GPSM2: variants seen among roughly 807,000 people sequenced by gnomAD.
GPSM2 encodes the protein G protein-signaling modulator 2.
GPSM2 carries 58 observed loss-of-function variants against 78.4 expected under a neutral mutation model. That is an observed-to-expected ratio of 0.74 (90% confidence interval 0.60 to 0.92). The LOEUF (loss-of-function observed/expected upper bound fraction) is 0.92, where lower values mean the gene tolerates loss of function less well. GPSM2 is among the 40% of genes least tolerant of loss of function. The probability of loss-of-function intolerance (pLI) is 0.00; values close to 1 mark genes in which losing one functional copy is unlikely to be tolerated. For missense variants in GPSM2, 700 were observed against 815.5 expected (o/e 0.86, Z 1.73); for synonymous variants, 224 against 280.2 (o/e 0.80, Z 2.00).
At chr1:108,881,878 T>C (rs1364061859) in intron 1 of GPSM2, among the ~76,000 whole-genome samples, 3 of 152,250 alleles carry the variant, frequency 2.0e-5, no homozygotes, top group Non-Finnish European at 2.9e-5. Context: ...GTTTACATCT[T>C]AAGGAGTATG....
chr1:108,924,522 T>G (rs1017636623), intron 14 of GPSM2, among the ~76,000 whole-genome samples: 1 of 152,004 alleles, frequency 6.6e-6, no homozygotes, highest in African/African-American at 2.4e-5. Context: ...TAAAGGAGGA[T>G]AAAGGGGTAG....
chr1:108,913,679 A>T (rs955960822), intron 10 of GPSM2, among the ~76,000 whole-genome samples: 1 of 152,238 alleles, frequency 6.6e-6, no homozygotes, highest in Admixed American at 6.5e-5. Context: ...GGGGAGTTAT[A>T]CAAGGGGAGT....
Position 108,903,079 on chromosome 1 carries a change from G to T in GPSM2, c.954-47G>T, listed in dbSNP as rs757098467. On this transcript the variant is annotated intron_variant, in intron 8 of 14. Coordinates refer to ENST00000264126, the MANE Select transcript of GPSM2 (RefSeq NM_013296.5). ...CTAGATAGCTTTTATTCTATACATA[G>T]GACCTCTTTTCAAATAACTGCATGT... 5 of 1,094,908 alleles carry T rather than the reference G, an allele frequency of 4.6e-6. No individual in the cohort carries two copies. In the South Asian group the frequency reaches 6.2e-5, roughly 14 times the overall value. 67.8% of individuals were successfully genotyped at this position (1,094,908 alleles called of 1,614,324 possible).
chr1:108,899,050 C>A, intron 7 of GPSM2, 56 bp downstream of exon 7: 1 of 1,050,494 alleles, frequency 9.5e-7, no homozygotes, highest in Non-Finnish European at 1.5e-6. Context: ...CCCATTAATT[C>A]ATAGGCTTTA....
intron 13 of GPSM2, 26 bp downstream of exon 13, chr1:108,922,602 AT>A: frequency 1.3e-6 from 2 of 1,557,816 alleles, no homozygotes; most frequent in Non-Finnish European, 1.8e-6. Context: ...TTCTCCCCCG[AT>A]TTTAATAGTT....
intron 13 of GPSM2, among the ~76,000 whole-genome samples, chr1:108,923,531 A>G (rs1023200209): frequency 6.6e-6 from 1 of 152,198 alleles, no homozygotes; most frequent in African/African-American, 2.4e-5. Flanking sequence ...ATATTTTTCT[A>G]TTTCAGCTAC....
At chr1:108,917,667 A>ATATATATATATATATAT (rs1179153795) in intron 11 of GPSM2, among the ~76,000 whole-genome samples, 4 of 49,300 alleles carry the variant, frequency 8.1e-5, no homozygotes, top group Non-Finnish European at 1.7e-4. Flanking sequence ...TATATATATA[A>ATATATATATATATATAT]ATGAGTTCTC....
rs750908300 is a variant in GPSM2, at chr1:108,904,181, G to A, written c.1119G>A (p.Met373Ile). ...GACTTAATCTCTCAGACCTTCAAATGGTTCTTGGTCTGAGCTACAGCACAA... is the reference window on the plus strand; with the variant it reads ...GACTTAATCTCTCAGACCTTCAAATAGTTCTTGGTCTGAGCTACAGCACAA... ...TARLNLSDLQ[M>I]VLGLSYSTNN... The change falls in exon 10 of 15, where the codon ATG becomes ATA. Residue 373 changes from methionine to isoleucine, a missense_variant. By Grantham distance (10) the Met-to-Ile change is conservative (BLOSUM62 1). Coordinates refer to ENST00000264126, the MANE Select transcript of GPSM2 (RefSeq NM_013296.5). The A allele has an allele frequency of 1.9e-6, 3 of 1,593,176 alleles. No individual in the cohort carries two copies. Among genetic ancestry groups the A allele is most frequent in the Admixed American group, 3.3e-5 (2 of 59,944 alleles).
At chr1:108,887,043 C>T (rs559092843) in intron 2 of GPSM2, among the ~76,000 whole-genome samples, 3 of 152,090 alleles carry the variant, frequency 2.0e-5, no homozygotes, top group Admixed American at 6.5e-5. Context: ...TGTGTCACCA[C>T]GCCCAGCTAA....
chr1:108,898,607 A>G (rs753966257), intron 5 of GPSM2, 35 bp from the exon 6 acceptor site: 2 of 1,609,476 alleles, frequency 1.2e-6, no homozygotes, highest in Non-Finnish European at 1.7e-6. Flanking sequence ...TTGTTCTGCA[A>G]ACTTATTTTT....
chr1:108,928,920 T>C (rs1481911140), intron 14 of GPSM2, among the ~76,000 whole-genome samples: 1 of 147,344 alleles, frequency 6.8e-6, no homozygotes, highest in Non-Finnish European at 1.5e-5. Context: ...ACCTGAAAGA[T>C]GGAGGTTGCA....
intron 10 of GPSM2, among the ~76,000 whole-genome samples, chr1:108,910,890 A>C (rs1210374310): frequency 2.0e-5 from 3 of 152,148 alleles, no homozygotes; most frequent in African/African-American, 7.2e-5. Flanking sequence ...AAGTGGATTC[A>C]ACATTAGAAA....
chr1:108,884,906 T>C (rs1647410058), intron 1 of GPSM2, among the ~76,000 whole-genome samples: 1 of 152,214 alleles, frequency 6.6e-6, no homozygotes, highest in African/African-American at 2.4e-5. Flanking sequence ...GAGTTTGGAG[T>C]TGACTATTTC....
intron 2 of GPSM2, among the ~76,000 whole-genome samples, chr1:108,894,625 GA>G (rs1235833799): frequency 6.6e-6 from 1 of 152,146 alleles, no homozygotes; most frequent in African/African-American, 2.4e-5. Context: ...TTGAACCCAG[GA>G]GGCAGAGGTT....
chr1:108,890,993 G>T (rs55864873), intron 2 of GPSM2, among the ~76,000 whole-genome samples: 5,246 of 152,176 alleles, frequency 0.034, 103 homozygotes, highest in Middle Eastern at 0.075. Flanking sequence ...ACATACTAAG[G>T]TATTTACAAA....
chr1:108,881,060 T>A (rs1211814576), intron 1 of GPSM2, among the ~76,000 whole-genome samples: 1 of 152,244 alleles, frequency 6.6e-6, no homozygotes, highest in East Asian at 1.9e-4. Context: ...CCTAGCTGTC[T>A]AAAGGGAGTC....
intron 1 of GPSM2, among the ~76,000 whole-genome samples, chr1:108,878,012 G>T (rs1408421921): frequency 6.6e-6 from 1 of 152,116 alleles, no homozygotes; most frequent in Non-Finnish European, 1.5e-5. Context: ...TTTCTATCGG[G>T]TTTGCATTGG....
At chr1:108,897,464 T>C in intron 3 of GPSM2, 28 bp from the exon 4 acceptor site, 1 of 1,575,560 alleles carries the variant, frequency 6.3e-7, no homozygotes, top group Non-Finnish European at 8.6e-7. Flanking sequence ...CATTTGGTTT[T>C]TTGTTTTTTG....
At position 108,881,960 on chromosome 1, in the gene GPSM2, TA is replaced by T. The variant is rs1665921899; in HGVS notation, c.-248-3314del. On this transcript the variant is annotated intron_variant, in intron 1 of 14. Transcript: ENST00000264126. Reference sequence around the variant, plus strand: ...CATGGATGAGAACAATATTTTGTTTTATTTTTTTAGAGACAGGGTCTCACTC... The same window carrying T: ...CATGGATGAGAACAATATTTTGTTTTTTTTTTTAGAGACAGGGTCTCACTC... 2.6e-5 allele frequency among the ~76,000 whole-genome samples: 4 copies of T among 152,352 alleles called. No individual in the cohort carries two copies. The South Asian group carries it at 8.3e-4, about 32-fold the overall frequency.
Sources: gnomAD v4.1 joint callset for allele counts (sites outside exome capture counted in the v4.1 genomes callset) on GRCh38, gnomAD v4.1.1 for gene constraint, MANE v1.5 for transcripts, NCBI Gene and HGNC (gene_info 2026-07-23, HGNC 2026-07-21) for gene names.